The following ZBTB20 variants were observed in gnomAD, a reference collection of about 807,000 sequenced individuals.
ZBTB20 encodes zinc finger and BTB domain-containing protein 20.
Under a neutral mutation model 56.9 loss-of-function variants are expected in ZBTB20, and 9 were observed. That is an observed-to-expected ratio of 0.16 (90% CI 0.10 to 0.28). The LOEUF (loss-of-function observed/expected upper bound fraction) is 0.28. Among genes scored for constraint, ZBTB20 ranks in the 10% least tolerant of loss-of-function variants. ZBTB20 has a pLI of 1.00. For missense variants in ZBTB20, 655 were observed against 1,003.0 expected (o/e 0.65, Z 4.69); for synonymous variants, 417 against 420.7 (o/e 0.99, Z 0.11).
chr3:114,316,426 ATTTGTAATGAGCATCTGAT>A lies in ZBTB20; in HGVS notation c.*22560_*22578del, dbSNP rs1560043477. On this transcript the variant is annotated 3_prime_UTR_variant, in exon 12 of 12. Coordinates refer to ENST00000675478, the MANE Select transcript of ZBTB20 (RefSeq NM_001348800.3). ...ATCTGGTTTTGTAATGAGCATCTGGATTTGTAATGAGCATCTGATTTTGTTATGTGCATGTGTGTATATA... is the reference window on the plus strand; with the variant it reads ...ATCTGGTTTTGTAATGAGCATCTGGATTTGTTATGTGCATGTGTGTATATA... The A allele has an allele frequency of 4.3e-6, 2 of 465,258 alleles. No homozygotes were observed. Among genetic ancestry groups the A allele is most frequent in the African/African-American group, 4.1e-5 (2 of 49,260 alleles). 28.8% of individuals were successfully genotyped at this position (465,258 alleles called of 1,614,324 possible).
chr3:114,651,877 C>T (rs1426948848), intron 6 of ZBTB20, among the ~76,000 whole-genome samples: 1 of 151,992 alleles, frequency 6.6e-6, no homozygotes, highest in Admixed American at 6.6e-5. Context: ...CATTCTACCA[C>T]ATCTCTTGGA....
chr3:114,785,261 T>A (rs910611624), intron 5 of ZBTB20, among the ~76,000 whole-genome samples: 14 of 152,190 alleles, frequency 9.2e-5, no homozygotes, highest in Non-Finnish European at 1.9e-4. Flanking sequence ...AAATCAGAGA[T>A]GTCATGCTAT....
At chr3:115,021,815 A>G (rs1487596437) in intron 2 of ZBTB20, among the ~76,000 whole-genome samples, 3 of 150,842 alleles carry the variant, frequency 2.0e-5, no homozygotes, top group Non-Finnish European at 4.5e-5. Flanking sequence ...ATATTATGTT[A>G]AAATATTTTA....
At chr3:115,043,743 T>G (rs2081237827) in intron 2 of ZBTB20, among the ~76,000 whole-genome samples, 1 of 152,132 alleles carries the variant, frequency 6.6e-6, no homozygotes, top group African/African-American at 2.4e-5. Context: ...CACTAATATT[T>G]CCCCACTATT....
At chr3:114,760,497 T>C (rs1301592225) in intron 5 of ZBTB20, among the ~76,000 whole-genome samples, 1 of 152,172 alleles carries the variant, frequency 6.6e-6, no homozygotes, top group Non-Finnish European at 1.5e-5. Flanking sequence ...GGCAAACCTT[T>C]GAACCCTTTC....
chr3:114,635,104 G>A (rs567325355), intron 6 of ZBTB20, among the ~76,000 whole-genome samples: 1 of 152,260 alleles, frequency 6.6e-6, no homozygotes. Context: ...AGCCTTGTGC[G>A]ACCATTAGAA....
At chr3:115,092,760 T>C (rs1576760039) in intron 1 of ZBTB20, among the ~76,000 whole-genome samples, 1 of 152,154 alleles carries the variant, frequency 6.6e-6, no homozygotes, top group Non-Finnish European at 1.5e-5. Context: ...TTAAGTCAGT[T>C]TGTCTGACAA....
chr3:114,656,739 C>CTA (rs781721916), intron 6 of ZBTB20, among the ~76,000 whole-genome samples: 2 of 151,974 alleles, frequency 1.3e-5, no homozygotes, highest in African/African-American at 2.4e-5. Flanking sequence ...CTCATTATGA[C>CTA]TATATATATA....
intron 2 of ZBTB20, among the ~76,000 whole-genome samples, chr3:115,018,747 G>A (rs2108293975): frequency 6.6e-6 from 1 of 151,558 alleles, no homozygotes. Flanking sequence ...TCCTTGAAGA[G>A]TTATTAATGC....
At chr3:114,429,562 G>A (rs1460948156) in intron 7 of ZBTB20, among the ~76,000 whole-genome samples, 1 of 152,156 alleles carries the variant, frequency 6.6e-6, no homozygotes, top group Non-Finnish European at 1.5e-5. Flanking sequence ...AGGGTATTGA[G>A]GTTGAGGATG....
intron 5 of ZBTB20, among the ~76,000 whole-genome samples, chr3:114,708,124 A>G (rs1339556178): frequency 1.3e-5 from 2 of 152,200 alleles, no homozygotes; most frequent in African/African-American, 4.8e-5. Context: ...GAACATGCAT[A>G]AGAAAGAAAC....
chr3:115,023,085 T>C (rs1320407920), intron 2 of ZBTB20, among the ~76,000 whole-genome samples: 1 of 150,822 alleles, frequency 6.6e-6, no homozygotes, highest in African/African-American at 2.4e-5. Flanking sequence ...CTCTTGGAGT[T>C]AGAATGCACT....
intron 6 of ZBTB20, among the ~76,000 whole-genome samples, chr3:114,673,717 A>T (rs1303598447): frequency 1.3e-5 from 2 of 152,126 alleles, no homozygotes; most frequent in African/African-American, 4.8e-5. Context: ...GGTTTTGTAC[A>T]CTTTGGTCTT....
intron 5 of ZBTB20, among the ~76,000 whole-genome samples, chr3:114,756,499 A>G (rs757058849): frequency 2.0e-5 from 3 of 152,190 alleles, no homozygotes; most frequent in Non-Finnish European, 4.4e-5. Context: ...TAAAGTGTAT[A>G]TTTCTGAAAA....
intron 2 of ZBTB20, among the ~76,000 whole-genome samples, chr3:114,978,355 T>A (rs2078191991): frequency 1.3e-5 from 2 of 149,658 alleles, no homozygotes; most frequent in African/African-American, 4.9e-5. Flanking sequence ...TAAGGTGAAA[T>A]AAGAAGCTAA....
intron 4 of ZBTB20, among the ~76,000 whole-genome samples, chr3:114,878,353 T>C (rs973358827): frequency 5.9e-5 from 9 of 152,130 alleles, no homozygotes; most frequent in Admixed American, 3.9e-4. Context: ...AACAGGTTAA[T>C]AGATTTTATT....
rs564190980 is a variant in ZBTB20, at chr3:114,891,260, T to C, written c.-417+9044A>G. ...GACAGGGGATGCTGAATTTAGAACATTGACTTCACAAATAGACTGCCTAAC... is the reference window on the plus strand; with the variant it reads ...GACAGGGGATGCTGAATTTAGAACACTGACTTCACAAATAGACTGCCTAAC... On this transcript the variant is annotated intron_variant, in intron 4 of 11. Transcript: ENST00000675478. 1.4e-4 allele frequency among the ~76,000 whole-genome samples: 22 copies of C among 152,302 alleles called. No individual in the cohort carries two copies. The East Asian group carries it at 2.1e-3, about 15-fold the overall frequency.
chr3:114,966,312 C>A (rs377071122), intron 3 of ZBTB20, among the ~76,000 whole-genome samples: 1 of 151,286 alleles, frequency 6.6e-6, no homozygotes, highest in African/African-American at 2.4e-5. Flanking sequence ...AGAGAACATG[C>A]AAAAAAATAA....
chr3:114,414,675 T>A (rs780630712), intron 7 of ZBTB20, among the ~76,000 whole-genome samples: 1 of 149,586 alleles, frequency 6.7e-6, no homozygotes, highest in Non-Finnish European at 1.5e-5. Flanking sequence ...GGAAAAGTTA[T>A]TTTTATATGA....
Sources: gnomAD v4.1 joint callset for allele counts (sites outside exome capture counted in the v4.1 genomes callset) on GRCh38, gnomAD v4.1.1 for gene constraint, MANE v1.5 for transcripts, NCBI Gene and HGNC (gene_info 2026-07-23, HGNC 2026-07-21) for gene names.